PHLDB1: variants seen among roughly 807,000 people sequenced by gnomAD.
The protein encoded by PHLDB1 is pleckstrin homology like domain family B member 1.
Under a neutral mutation model 139.3 loss-of-function variants are expected in PHLDB1, and 65 were observed. That is an observed-to-expected ratio of 0.47 (90% CI 0.38 to 0.57). PHLDB1 has a LOEUF of 0.57. Ranked by LOEUF, PHLDB1 falls within the 20% of genes least tolerant of loss-of-function variation. PHLDB1 has a pLI of 0.00. For synonymous variants in PHLDB1, 679 were observed against 734.5 expected (o/e 0.92, Z 1.22); for missense variants, 1,624 against 1,839.7 (o/e 0.88, Z 2.14).
intron 6 of PHLDB1, chr11:118,630,150 G>A: frequency 3.1e-6 from 3 of 962,504 alleles, no homozygotes; most frequent in East Asian, 6.1e-5. Context: ...TGGCCAAACT[G>A]TAAGTGATGA....
Position 118,610,828 on chromosome 11 carries a change from C to T in PHLDB1, c.-21-2988C>T, listed in dbSNP as rs1252861758. ...CCCGCGGGGGAGGAGGCCGAGGGCCCGGGCCGGGGTCACCTGCCGGCGCCC... is the reference window on the plus strand; with the variant it reads ...CCCGCGGGGGAGGAGGCCGAGGGCCTGGGCCGGGGTCACCTGCCGGCGCCC... On this transcript the variant is annotated intron_variant, in intron 1 of 22. Transcript: ENST00000600882. This position sits in a 1 kb window ranked among gnomAD's most constrained non-coding sequence, Gnocchi z 8.7. Among the ~76,000 whole-genome samples, 7 of 152,158 alleles carry T rather than the reference C, an allele frequency of 4.6e-5. No homozygotes were observed. Among genetic ancestry groups the T allele is most frequent in the Non-Finnish European group, 1.0e-4 (7 of 68,006 alleles).
At position 118,624,844 on chromosome 11, in the gene PHLDB1, A is replaced by C. The variant is rs532440166; in HGVS notation, c.356-90A>C. The C allele has an allele frequency of 4.4e-6, 6 of 1,365,238 alleles. No homozygotes were observed. The South Asian group carries it at 7.1e-5, about 16-fold the overall frequency. The allele number at this position is 1,365,238 out of a possible 1,614,324, so 84.6% of individuals were successfully genotyped here. On this transcript the variant is annotated intron_variant, in intron 4 of 22. Transcript: ENST00000600882. ...AGGCTGGTCTCCAACTCCCGACCTCAGGTGATCCACCCTCCTCCGCCTCCA... is the reference window on the plus strand; with the variant it reads ...AGGCTGGTCTCCAACTCCCGACCTCCGGTGATCCACCCTCCTCCGCCTCCA...
Position 118,631,949 on chromosome 11 carries a change from G to A in PHLDB1, c.2137G>A (p.Val713Met). 3.1e-6 allele frequency: 5 copies of A among 1,614,052 alleles called. No homozygotes were observed. The highest frequency in any genetic ancestry group is 4.2e-6 in the Non-Finnish European group (5 of 1,179,974). Residue 713 changes from valine (V) to methionine (M), a missense_variant, in exon 8 of 23, where the codon GTG (valine) becomes ATG (methionine). Coordinates refer to ENST00000600882, the MANE Select transcript of PHLDB1 (RefSeq NM_001144758.3). ...ACCTAGCACCAAGCTCCAGGGAGAG[G>A]TGCTAGCCCTGGAAGAAGAGCGGGC... The part of the protein sequence containing the change: ...DAPSTKLQGE[V>M]LALEEERAQV...
Position 118,632,942 on chromosome 11 carries a change from G to T in PHLDB1, c.2379+646G>T. The stretch of plus-strand genomic sequence containing the variant: ...TTAATTTTCCTTCTGGATTTTTTGA[G>T]TTTCTTCCTCCTGCCCTCAATTTTG... On this transcript the variant is annotated intron_variant, in intron 9 of 22. Transcript: ENST00000600882. The surrounding 1 kb of genome is among the most constrained non-coding windows in gnomAD (Gnocchi z 5.9). 3.6e-6 allele frequency: 2 copies of T among 555,352 alleles called. No homozygotes were observed. The highest frequency in any genetic ancestry group is 4.6e-6 in the Non-Finnish European group (2 of 438,130). The allele number at this position is 555,352 out of a possible 1,614,324, so 34.4% of individuals were successfully genotyped here. A position where few individuals can be genotyped will look rare whatever the true frequency, so the allele number is the denominator to read the frequency against.
intron 1 of PHLDB1, among the ~76,000 whole-genome samples, chr11:118,609,855 G>A (rs1304587260): frequency 6.6e-6 from 1 of 152,130 alleles, no homozygotes; most frequent in Non-Finnish European, 1.5e-5. Context: ...TCGGCCCTGC[G>A]GACCGCGGAG....
chr11:118,618,505 G>A (rs78956358), intron 4 of PHLDB1, among the ~76,000 whole-genome samples: 92 of 152,168 alleles, frequency 6.0e-4, no homozygotes, highest in African/African-American at 2.0e-3. Flanking sequence ...ATGTAGCTCC[G>A]GATGTGTTTG....
At chr11:118,643,707 G>C (rs1467175318) in intron 13 of PHLDB1, 93 bp from the exon 14 acceptor site, 9 of 1,601,808 alleles carry the variant, frequency 5.6e-6, no homozygotes, top group Non-Finnish European at 6.0e-6. Context: ...CCTAGTGCCA[G>C]GGCGGTACGT....
In PHLDB1 at chr11:118,632,325, T is replaced by C. The variant is rs1944940477; in HGVS notation, c.2379+29T>C. Reference sequence around the variant, plus strand: ...ACCCACACCTGGCCCAGCTTAGTGCTGGGTACCAGTGGCCTGGGAGAGAAG... The same window carrying C: ...ACCCACACCTGGCCCAGCTTAGTGCCGGGTACCAGTGGCCTGGGAGAGAAG... On this transcript the variant is annotated intron_variant, in intron 9 of 22. Coordinates refer to ENST00000600882, the MANE Select transcript of PHLDB1 (RefSeq NM_001144758.3). This position sits in a 1 kb window ranked among gnomAD's most constrained non-coding sequence, Gnocchi z 5.9. The C allele has an allele frequency of 1.2e-6, 2 of 1,609,730 alleles. No homozygotes were observed. Among genetic ancestry groups the C allele is most frequent in the East Asian group, 2.2e-5 (1 of 44,858 alleles).
intron 11 of PHLDB1, 44 bp downstream of exon 11, chr11:118,639,045 G>C (rs1295063128): frequency 1.9e-6 from 3 of 1,576,416 alleles, no homozygotes; most frequent in Non-Finnish European, 2.6e-6. Flanking sequence ...AGTAGGGTAA[G>C]TGGGAGGGGA....
intron 17 of PHLDB1, 144 bp from the exon 18 acceptor site, chr11:118,647,786 G>C: frequency 1.2e-6 from 1 of 814,814 alleles, no homozygotes; most frequent in East Asian, 2.7e-5. Context: ...CAGGGCTCTT[G>C]GAGAGGGTGG....
At chr11:118,647,883 G>C in intron 17 of PHLDB1, 47 bp from the exon 18 acceptor site, 1 of 1,541,364 alleles carries the variant, frequency 6.5e-7, no homozygotes, top group Non-Finnish European at 8.8e-7. Context: ...GGGCCAGTGG[G>C]GGGAAGAGGA....
At position 118,628,356 on chromosome 11, in the gene PHLDB1, A is replaced by G. The variant is rs372063943; in HGVS notation, c.1533A>G (p.Ala511=). The change falls in exon 6 of 23, where the codon GCA becomes GCG. Residue 511 remains alanine (A), a synonymous_variant. Transcript: ENST00000600882. ...SPEDFSLTLG[A]RGRRTRSPSP... ...AGGACTTCTCCCTGACGCTGGGGGC[A>G]CGGGGCCGTAGGACACGGAGCCCCT... is the stretch of plus-strand genomic sequence containing the variant. The G allele has an allele frequency of 4.1e-4, 662 of 1,611,800 alleles. No individual in the cohort carries two copies. The highest frequency in any genetic ancestry group is 3.5e-3 in the South Asian group (315 of 90,940).
Position 118,642,356 on chromosome 11 carries a change from C to G in PHLDB1, c.2839C>G (p.Pro947Ala). 9.9e-6 allele frequency: 16 copies of G among 1,611,064 alleles called. No individual in the cohort carries two copies. The highest frequency in any genetic ancestry group is 1.3e-5 in the Non-Finnish European group (15 of 1,179,996). ...CGCTGCAGCCTCCCCTCACTCTTCT[C>G]CCCCGCCTCTGCCCGCCAAAGCTTC... Reference protein sequence around the residue: ...GPAAASPHSSPPPLPAKASRQ... With the variant: ...GPAAASPHSSAPPLPAKASRQ... Residue 947 changes from proline (P) to alanine (A), a missense_variant, in exon 13 of 23, where the codon CCC becomes GCC. Coordinates refer to ENST00000600882, the MANE Select transcript of PHLDB1 (RefSeq NM_001144758.3).
chr11:118,618,029 T>A (rs2135862805), intron 4 of PHLDB1, among the ~76,000 whole-genome samples: 1 of 152,198 alleles, frequency 6.6e-6, no homozygotes, highest in East Asian at 1.9e-4. Context: ...TGTTGTCCAG[T>A]CTTTCCAATG....
In PHLDB1 at chr11:118,620,762, T is replaced by C. The variant is rs1942610931; in HGVS notation, c.356-4172T>C. 6.6e-6 allele frequency among the ~76,000 whole-genome samples: 1 copy of C among 151,808 alleles called. No individual in the cohort carries two copies. Among genetic ancestry groups the C allele is most frequent in the African/African-American group, 2.4e-5 (1 of 41,280 alleles). ...GGGAGTGGGGCCGGAAGAGGAGGTG[T>C]TTAGGGTGGAGACAGGAGGTGGGCT... is the stretch of plus-strand genomic sequence containing the variant. On this transcript the variant is annotated intron_variant, in intron 4 of 22. Coordinates refer to ENST00000600882, the MANE Select transcript of PHLDB1 (RefSeq NM_001144758.3). This position sits in a 1 kb window ranked among gnomAD's most constrained non-coding sequence, Gnocchi z 4.1.
chr11:118,648,701 A>G (rs1309908657), intron 18 of PHLDB1, among the ~76,000 whole-genome samples: 1 of 152,084 alleles, frequency 6.6e-6, no homozygotes, highest in Non-Finnish European at 1.5e-5. Context: ...AGCCAGCCCT[A>G]CCCTTTCTCC....
chr11:118,640,104 TGTG>T (rs1946273781), intron 12 of PHLDB1: 1 of 572,358 alleles, frequency 1.7e-6, no homozygotes, highest in East Asian at 1.4e-4. Flanking sequence ...CTGAAGGGCA[TGTG>T]GTGATAGTTT....
At chr11:118,654,334 T>C (rs1265700314) in intron 20 of PHLDB1, 1 of 152,226 alleles carries the variant, frequency 6.6e-6, no homozygotes, top group African/African-American at 2.4e-5. Context: ...AGAGGCTATA[T>C]GCTATATGTA....
chr11:118,650,800 G>C lies in PHLDB1; in HGVS notation c.3874+253G>C, dbSNP rs1401100915. 3.9e-6 allele frequency: 2 copies of C among 518,148 alleles called. No homozygotes were observed. Among genetic ancestry groups the C allele is most frequent in the Non-Finnish European group, 7.0e-6 (2 of 287,598 alleles). The allele number at this position is 518,148 out of a possible 1,614,324, so 32.1% of individuals were successfully genotyped here. A position where few individuals can be genotyped will look rare whatever the true frequency, so the allele number is the denominator to read the frequency against. Reference sequence around the variant, plus strand: ...GTTCTAGGCACTGTTCTAGGCTCTGGTGATGAGTAAGATGGCCACAGCGCT... The same window carrying C: ...GTTCTAGGCACTGTTCTAGGCTCTGCTGATGAGTAAGATGGCCACAGCGCT... On this transcript the variant is annotated intron_variant, in intron 20 of 22. Coordinates refer to ENST00000600882, the MANE Select transcript of PHLDB1 (RefSeq NM_001144758.3). This position sits in a 1 kb window ranked among gnomAD's most constrained non-coding sequence, Gnocchi z 4.7.
Sources: allele counts gnomAD v4.1 joint callset (sites outside exome capture counted in the v4.1 genomes callset), GRCh38; gene constraint gnomAD v4.1.1; non-coding constraint Gnocchi (gnomAD v3.1); transcripts MANE v1.5; gene names NCBI Gene and HGNC (gene_info 2026-07-23, HGNC 2026-07-21).